PHTF2: variants seen among roughly 807,000 people sequenced by gnomAD.
PHTF2 encodes the protein putative homeodomain transcription factor 2, also known as protein PHTF2.
In PHTF2, 60 loss-of-function variants were observed where a neutral mutation model predicts 101.2. The observed-to-expected ratio is 0.59, with a 90% CI of 0.48 to 0.73. The LOEUF (loss-of-function observed/expected upper bound fraction) is 0.73, where lower values mean the gene tolerates loss of function less well. Among genes scored for constraint, PHTF2 ranks in the 30% least tolerant of loss-of-function variants. The pLI, the probability that PHTF2 is intolerant of heterozygous loss-of-function variation, is 0.00. For synonymous variants in PHTF2, 311 were observed against 307.3 expected, an observed-to-expected ratio of 1.01 and a Z score of -0.13; for missense variants, 747 against 908.7, an observed-to-expected ratio of 0.82 and a Z score of 2.29.
chr7:77,932,558 G>A lies in PHTF2; in HGVS notation c.1338+3231G>A, dbSNP rs188116589. On this transcript the variant is annotated intron_variant, in intron 12 of 19. Transcript: ENST00000416283. The stretch of plus-strand genomic sequence containing the variant: ...CCATTTGTGGAGAATGGAGAAAGGG[G>A]ACAGAGAGAGGGAGAGAGAGAAAGA... Among the ~76,000 whole-genome samples the A allele has an allele frequency of 1.8e-3, 271 of 151,662 alleles. 2 individuals carry two copies. Among genetic ancestry groups the A allele is most frequent in the African/African-American group, 6.1e-3 (252 of 41,324 alleles).
intron 17 of PHTF2, among the ~76,000 whole-genome samples, chr7:77,950,706 T>C (rs1806462482): frequency 6.6e-6 from 1 of 152,172 alleles, no homozygotes; most frequent in Admixed American, 6.5e-5. Flanking sequence ...AACCACTTCC[T>C]CCAACTCGCT....
chr7:77,829,465 TG>T (rs1794921594), intron 1 of PHTF2, among the ~76,000 whole-genome samples: 1 of 152,220 alleles, frequency 6.6e-6, no homozygotes, highest in Non-Finnish European at 1.5e-5. Flanking sequence ...ATAAAACGTG[TG>T]GTGTTTATTC....
rs769762092 is a variant in PHTF2, at chr7:77,920,388, C to G, written c.886C>G (p.His296Asp). ...AAGCGGTGAAGATGGAATACAAAAC[C>G]ATGAACCTCAGTGTGAAACTATTCG... The change falls in exon 10 of 20, where the codon CAT becomes GAT. Residue 296 changes from histidine to aspartate, a missense_variant. Coordinates refer to ENST00000416283, the Ensembl canonical transcript of PHTF2. 3 of 1,613,088 alleles carry G rather than the reference C, an allele frequency of 1.9e-6. No individual in the cohort carries two copies. In the Admixed American group the frequency reaches 5.0e-5, roughly 27 times the overall value.
chr7:77,814,408 G>A (rs535724405), intron 1 of PHTF2, among the ~76,000 whole-genome samples: 1 of 152,084 alleles, frequency 6.6e-6, no homozygotes, highest in Non-Finnish European at 1.5e-5. Flanking sequence ...TATAATTCAT[G>A]TCTGAATGAA....
At chr7:77,807,023 C>T (rs575542565) in intron 1 of PHTF2, among the ~76,000 whole-genome samples, 1 of 152,290 alleles carries the variant, frequency 6.6e-6, no homozygotes, top group African/African-American at 2.4e-5. Context: ...TTTAAACACA[C>T]ATACACACAC....
intron 8 of PHTF2, 197 bp downstream of exon 7, chr7:77,909,155 CTG>C (rs1437918322): frequency 2.3e-6 from 1 of 438,930 alleles, no homozygotes; most frequent in Non-Finnish European, 4.0e-6. Context: ...GACCACATGC[CTG>C]TGTTTTTGTT....
chr7:77,860,634 C>T (rs193115054), intron 3 of PHTF2, among the ~76,000 whole-genome samples: 3 of 152,260 alleles, frequency 2.0e-5, no homozygotes, highest in Admixed American at 2.0e-4. Flanking sequence ...ACTGCTATAG[C>T]ACTTCCTCTC....
intron 3 of PHTF2, among the ~76,000 whole-genome samples, chr7:77,858,426 C>T (rs1328540620): frequency 2.0e-5 from 3 of 152,042 alleles, no homozygotes; most frequent in African/African-American, 4.8e-5. Context: ...GGCAAGAAAT[C>T]GGACACCCTT....
At chr7:77,866,229 G>A (rs1312978633) in intron 3 of PHTF2, among the ~76,000 whole-genome samples, 1 of 150,950 alleles carries the variant, frequency 6.6e-6, no homozygotes, top group Non-Finnish European at 1.5e-5. Context: ...AGTTTATTCT[G>A]TAGTAACATT....
At chr7:77,948,826 TGCTGA>T (rs1806298728) in intron 16 of PHTF2, among the ~76,000 whole-genome samples, 1 of 152,166 alleles carries the variant, frequency 6.6e-6, no homozygotes, top group African/African-American at 2.4e-5. Context: ...TCTGATACAC[TGCTGA>T]GAGTATAAAT....
intron 1 of PHTF2, among the ~76,000 whole-genome samples, chr7:77,838,997 G>GCATGCATGCTCCCACT (rs1215189088): frequency 3.3e-5 from 5 of 152,006 alleles, no homozygotes; most frequent in Non-Finnish European, 5.9e-5. Context: ...TGCTCAAAAA[G>GCATGCATGCTCCCACT]CATGCATGCT....
In PHTF2 at chr7:77,876,801, G is replaced by C. The variant is rs1286754204; in HGVS notation, c.148-16807G>C. Among the ~76,000 whole-genome samples the C allele has an allele frequency of 2.0e-5, 3 of 152,188 alleles. No homozygotes were observed. In the East Asian group the frequency reaches 5.8e-4, roughly 29 times the overall value. ...CACACCTGCAGTTGCAGCTACGCAG[G>C]AGGCTGAGATGGGAGGATCACTGTG... On this transcript the variant is annotated intron_variant, in intron 3 of 19. Transcript: ENST00000416283.
At chr7:77,912,710 C>CAT (rs1562942448) in intron 9 of PHTF2, among the ~76,000 whole-genome samples, 1 of 80,438 alleles carries the variant, frequency 1.2e-5, no homozygotes, top group Non-Finnish European at 2.4e-5. Flanking sequence ...AGAGAACCAC[C>CAT]TTTTTTTTTT....
chr7:77,859,347 G>A lies in PHTF2; in HGVS notation c.147+4513G>A, dbSNP rs17158866. On this transcript the variant is annotated intron_variant, in intron 3 of 19. Transcript: ENST00000416283. ...ATATTTACTGGTTTTAATGGATTTC[G>A]TGTGGAGATGTGTAGCTTTATTTCC... 2.2e-3 allele frequency among the ~76,000 whole-genome samples: 334 copies of A among 152,252 alleles called. 9 individuals carry two copies. In the East Asian group the frequency reaches 0.056, roughly 26 times the overall value.
intron 2 of PHTF2, chr7:77,854,687 A>G (rs894465032): frequency 1.4e-6 from 1 of 700,776 alleles, no homozygotes; most frequent in East Asian, 2.7e-5. Flanking sequence ...CACCCAAGCC[A>G]CAAGACAAAG....
At chr7:77,828,900 G>A (rs987350438) in intron 1 of PHTF2, among the ~76,000 whole-genome samples, 1 of 152,202 alleles carries the variant, frequency 6.6e-6, no homozygotes, top group South Asian at 2.1e-4. Context: ...TAGGCTGGTC[G>A]TGGTGACTCA....
At chr7:77,871,145 G>A (rs985214511) in intron 3 of PHTF2, among the ~76,000 whole-genome samples, 4 of 151,898 alleles carry the variant, frequency 2.6e-5, no homozygotes, top group Non-Finnish European at 5.9e-5. Flanking sequence ...CTGGTGGAGT[G>A]ACCCAAACCT....
At chr7:77,891,119 G>T (rs569357274) in intron 3 of PHTF2, among the ~76,000 whole-genome samples, 1 of 149,390 alleles carries the variant, frequency 6.7e-6, no homozygotes, top group Admixed American at 6.7e-5. Flanking sequence ...ATGTTGTTCA[G>T]GCTTGTCTCA....
At chr7:77,890,869 T>C (rs1229192652) in intron 3 of PHTF2, among the ~76,000 whole-genome samples, 9 of 150,906 alleles carry the variant, frequency 6.0e-5, no homozygotes, top group Non-Finnish European at 1.3e-4. Context: ...CCTCCCAAAG[T>C]GCTGGGATTA....
Sources: gnomAD v4.1 joint callset for allele counts (sites outside exome capture counted in the v4.1 genomes callset) on GRCh38, gnomAD v4.1.1 for gene constraint, MANE v1.5 for transcripts, NCBI Gene and HGNC (gene_info 2026-07-23, HGNC 2026-07-21) for gene names.